CTSK: variants seen among roughly 807,000 people sequenced by gnomAD.
CTSK encodes the protein cathepsin O.
CTSK carries 26 observed loss-of-function variants against 40.5 expected under a neutral mutation model. The ratio of observed to expected loss-of-function variants is 0.64; its 90% CI spans 0.47 to 0.89. The LOEUF (loss-of-function observed/expected upper bound fraction) is 0.89. Among genes scored for constraint, CTSK ranks in the 40% least tolerant of loss-of-function variants. The probability of loss-of-function intolerance (pLI) is 0.00; values close to 1 mark genes in which losing one functional copy is unlikely to be tolerated. For synonymous variants in CTSK, 132 were observed against 143.2 expected (o/e 0.92, Z 0.56); for missense variants, 292 against 400.1 (o/e 0.73, Z 2.30).
rs1171180978 is a variant in CTSK at position 150,807,080 on chromosome 1, TCACACACACACACACA to T, written c.-1-290_-1-275del. Reference sequence around the variant, plus strand: ...GTTTCTCTCTCTGTCTCTCTCTCTCTCACACACACACACACACACACACACACACACACACACACAC... The same window carrying T: ...GTTTCTCTCTCTGTCTCTCTCTCTCTCACACACACACACACACACACACAC... On this transcript the variant is annotated intron_variant, in intron 1 of 7. Transcript: ENST00000271651. Among the ~76,000 whole-genome samples, 140 of 69,668 alleles carry T rather than the reference TCACACACACACACACA, an allele frequency of 2.0e-3. 1 individual carries two copies. The highest frequency in any genetic ancestry group is 4.9e-3 in the African/African-American group (132 of 26,790). 45.7% of individuals were successfully genotyped at this position (69,668 alleles called of 152,430 possible). A position where few individuals can be genotyped will look rare whatever the true frequency, so the allele number is the denominator to read the frequency against.
At chr1:150,803,291 G>A (rs906264244) in intron 5 of CTSK, among the ~76,000 whole-genome samples, 4 of 152,026 alleles carry the variant, frequency 2.6e-5, no homozygotes, top group African/African-American at 9.7e-5. Flanking sequence ...ATACATTCAA[G>A]ATAAGTCTAC....
chr1:150,804,073 A>G lies in CTSK; in HGVS notation c.566T>C (p.Val189Ala), dbSNP rs200014002. The G allele has an allele frequency of 2.5e-6, 4 of 1,614,180 alleles. No individual in the cohort carries two copies. Among genetic ancestry groups the G allele is most frequent in the Non-Finnish European group, 2.5e-6 (3 of 1,180,028 alleles). The change falls in exon 5 of 8, where the codon GTG becomes GCG. Residue 189 changes from valine to alanine, a missense_variant. Val to Ala is a moderately conservative substitution (Grantham distance 64). Transcript: ENST00000271651. ...GGYMTNAFQYVQKNRGIDSED... is the reference protein window; with the variant it reads ...GGYMTNAFQYAQKNRGIDSED... ...AGAGTCAATACCCCGGTTCTTCTGC[A>G]CATATTGGAAGGCATTGGTCATGTA...
Position 150,806,848 on chromosome 1 carries a change from GGGAAACAGA to G in CTSK, c.-1-51_-1-43del, listed in dbSNP as rs1385870084. On this transcript the variant is annotated intron_variant, in intron 1 of 7. Coordinates refer to ENST00000271651, the MANE Select transcript of CTSK (RefSeq NM_000396.4). ...TTAGGGAAAACTCTTCCATTTGGCA[GGGAAACAGA>G]GGAAAACTAGGCTTTATGAGGAAGA... 4 of 1,609,436 alleles carry G rather than the reference GGGAAACAGA, an allele frequency of 2.5e-6. No homozygotes were observed. In the African/African-American group the frequency reaches 5.3e-5, roughly 22 times the overall value.
Position 150,796,752 on chromosome 1 carries a change from C to T in CTSK, c.*47G>A, listed in dbSNP as rs1360876482. 3.0e-6 allele frequency: 4 copies of T among 1,323,046 alleles called. No homozygotes were observed. The African/African-American group carries it at 4.3e-5, about 14-fold the overall frequency. The allele number at this position is 1,323,046 out of a possible 1,614,324, so 82.0% of individuals were successfully genotyped here. ...TTCCAAAGTGCATCGTTACACTGCA[C>T]CATCGTGGAAGAAATGGAAGAGCAG... On this transcript the variant is annotated 3_prime_UTR_variant, in exon 8 of 8. Coordinates refer to ENST00000271651, the MANE Select transcript of CTSK (RefSeq NM_000396.4).
In CTSK at chr1:150,796,385, A is replaced by C; in HGVS notation, c.*414T>G. ...ACATAGACATTTCTACCTTGAGGAT[A>C]TAGAAGGGAACTTAGGAAGTGAGAA... On this transcript the variant is annotated 3_prime_UTR_variant, in exon 8 of 8. Coordinates refer to ENST00000271651, the MANE Select transcript of CTSK (RefSeq NM_000396.4). The C allele has an allele frequency of 4.3e-6, 1 of 233,822 alleles. No homozygotes were observed. The highest frequency in any genetic ancestry group is 2.2e-5 in the African/African-American group (1 of 44,724). The allele number at this position is 233,822 out of a possible 1,614,324, so 14.5% of individuals were successfully genotyped here.
intron 1 of CTSK, among the ~76,000 whole-genome samples, chr1:150,807,074 T>TCA (rs1345659757): frequency 5.8e-5 from 3 of 51,482 alleles, no homozygotes; most frequent in Non-Finnish European, 9.2e-5. Flanking sequence ...TCTGTCTCTC[T>TCA]CTCTCTCACA....
At chr1:150,797,951 C>T (rs1653907037) in intron 7 of CTSK, among the ~76,000 whole-genome samples, 1 of 152,194 alleles carries the variant, frequency 6.6e-6, no homozygotes, top group Non-Finnish European at 1.5e-5. Flanking sequence ...AAAGTTGCTT[C>T]AGGTTTGAAC....
At chr1:150,806,956 C>T (rs1349233722) in intron 1 of CTSK, 150 bp from the exon 2 acceptor site, 1 of 918,296 alleles carries the variant, frequency 1.1e-6, no homozygotes, top group Non-Finnish European at 1.7e-6. Flanking sequence ...GATGCTGGTA[C>T]ATCTGGTTCC....
In CTSK at chr1:150,806,631, T is replaced by C. The variant is rs587623935; in HGVS notation, c.120+55A>G. ...GAAGAAGGGAGTCTGGAAGCTAAGA[T>C]GAGAGAGCTCAGGTCTCAGCCTTCC... On this transcript the variant is annotated intron_variant, in intron 2 of 7. Transcript: ENST00000271651. 3.7e-6 allele frequency: 6 copies of C among 1,611,004 alleles called. No individual in the cohort carries two copies. In the Admixed American group the frequency reaches 8.3e-5, roughly 22 times the overall value.
At chr1:150,806,953 G>C in intron 1 of CTSK, 147 bp from the exon 2 acceptor site, 1 of 931,072 alleles carries the variant, frequency 1.1e-6, no homozygotes, top group Non-Finnish European at 1.7e-6. Context: ...TAGGATGCTG[G>C]TACATCTGGT....
chr1:150,804,990 T>C (rs1237499093), intron 4 of CTSK, among the ~76,000 whole-genome samples: 1 of 152,004 alleles, frequency 6.6e-6, no homozygotes, highest in Non-Finnish European at 1.5e-5. Context: ...AGCGGGCAGA[T>C]TGCTTGAGCC....
chr1:150,797,170 T>G (rs1001334922), intron 7 of CTSK, among the ~76,000 whole-genome samples: 23 of 151,972 alleles, frequency 1.5e-4, no homozygotes, highest in African/African-American at 5.3e-4. Flanking sequence ...TTTCGACCTG[T>G]GGGAAGGGGA....
rs74819661 is a variant in CTSK at position 150,804,018 on chromosome 1, C to T, written c.618+3G>A. The T allele has an allele frequency of 1.2e-6, 2 of 1,612,406 alleles. No individual in the cohort carries two copies. The highest frequency in any genetic ancestry group is 1.7e-6 in the Non-Finnish European group (2 of 1,178,466). On this transcript the variant is annotated splice_donor_region_variant and intron_variant, in intron 5 of 7. Transcript: ENST00000271651. ...GCTGTATAATTGTGTGGAGCAATCT[C>T]ACCTGTCCCACATATGGGTAGGCAT...
At chr1:150,805,469 A>G (rs1654067916) in intron 4 of CTSK, among the ~76,000 whole-genome samples, 1 of 151,610 alleles carries the variant, frequency 6.6e-6, no homozygotes, top group African/African-American at 2.4e-5. Flanking sequence ...GTGAAAACGC[A>G]TCTCTATAAA....
At chr1:150,806,290 T>A in intron 2 of CTSK, 66 bp from the exon 3 acceptor site, 2 of 1,566,368 alleles carry the variant, frequency 1.3e-6, no homozygotes, top group Non-Finnish European at 1.7e-6. Context: ...TTGTGAAGGG[T>A]TTTAGGAGAA....
intron 1 of CTSK, 50 bp from the exon 2 acceptor site, chr1:150,806,856 G>C: frequency 6.2e-7 from 1 of 1,607,394 alleles, no homozygotes; most frequent in Non-Finnish European, 8.5e-7. Flanking sequence ...CAGGGAAACA[G>C]AGGAAAACTA....
intron 5 of CTSK, among the ~76,000 whole-genome samples, chr1:150,802,756 G>A (rs904759810): frequency 6.6e-6 from 1 of 151,910 alleles, no homozygotes; most frequent in Non-Finnish European, 1.5e-5. Flanking sequence ...TGAAATTGGT[G>A]GGCATGATGG....
chr1:150,799,340 C>A, intron 6 of CTSK, 67 bp from the exon 7 acceptor site: 1 of 1,320,084 alleles, frequency 7.6e-7, no homozygotes, highest in South Asian at 1.2e-5. Context: ...ATCTCCCAGT[C>A]TAGGAGACTG....
At position 150,804,058 on chromosome 1, in the gene CTSK, C is replaced by T. The variant is rs1255952340; in HGVS notation, c.581G>A (p.Gly194Asp). Residue 194 changes from glycine to aspartate, a missense_variant, in exon 5 of 8, where the codon GGT (glycine) becomes GAT (aspartate). Gly to Asp is a moderately conservative substitution (Grantham distance 94, BLOSUM62 -1). Coordinates refer to ENST00000271651, the MANE Select transcript of CTSK (RefSeq NM_000396.4). ...TGGGTAGGCATCTTCAGAGTCAATA[C>T]CCCGGTTCTTCTGCACATATTGGAA... ...NAFQYVQKNR[G>D]IDSEDAYPYV... 6.2e-7 allele frequency: 1 copy of T among 1,614,184 alleles called. No individual in the cohort carries two copies. Among genetic ancestry groups the T allele is most frequent in the South Asian group, 1.1e-5 (1 of 91,088 alleles).
Sources: allele counts gnomAD v4.1 joint callset (sites outside exome capture counted in the v4.1 genomes callset), GRCh38; gene constraint gnomAD v4.1.1; transcripts MANE v1.5; gene names NCBI Gene and HGNC (gene_info 2026-07-23, HGNC 2026-07-21).